Variants in STPG2 observed in about 807,000 individuals in gnomAD.
The protein encoded by STPG2 is sperm tail PG-rich repeat containing 2, also known as sperm-tail PG-rich repeat-containing protein 2.
STPG2 carries 56 observed loss-of-function variants against 54.2 expected under a neutral mutation model. The observed-to-expected ratio is 1.03, with a 90% CI of 0.83 to 1.29. The LOEUF (loss-of-function observed/expected upper bound fraction) is 1.29. STPG2 is among the 50% of genes most tolerant of loss of function. The probability of loss-of-function intolerance (pLI) is 0.00; values close to 1 mark genes in which losing one functional copy is unlikely to be tolerated. For synonymous variants in STPG2, 200 were observed against 181.8 expected (o/e 1.10, Z -0.81); for missense variants, 596 against 544.9 (o/e 1.09, Z -0.93).
intron 1 of STPG2, among the ~76,000 whole-genome samples, 158 bp from the exon 2 acceptor site, chr4:98,134,617 G>C (rs1259715552): frequency 6.6e-6 from 1 of 150,800 alleles, no homozygotes; most frequent in Non-Finnish European, 1.5e-5. Flanking sequence ...TTTAAAATCT[G>C]ATATAAGATC....
intron 10 of STPG2, among the ~76,000 whole-genome samples, chr4:97,671,268 T>C (rs1374674238): frequency 6.6e-6 from 1 of 152,242 alleles, no homozygotes; most frequent in East Asian, 1.9e-4. Flanking sequence ...TCATGTCATA[T>C]ATATCTACCA....
rs1740356947 is a variant in STPG2 at position 98,143,296 on chromosome 4, G to A, written c.-146C>T. The A allele has an allele frequency of 1.6e-6, 1 of 612,874 alleles. No individual in the cohort carries two copies. Among genetic ancestry groups the A allele is most frequent in the Non-Finnish European group, 2.9e-6 (1 of 347,612 alleles). The allele number at this position is 612,874 out of a possible 1,614,324, so 38.0% of individuals were successfully genotyped here. ...TCCGTAAACAGGGAAATTAGGGGTGGGGTTGTCTCCCCGCCCGCTCATTGA... is the reference window on the plus strand; with the variant it reads ...TCCGTAAACAGGGAAATTAGGGGTGAGGTTGTCTCCCCGCCCGCTCATTGA... On this transcript the variant is annotated 5_prime_UTR_variant, in exon 1 of 11. Transcript: ENST00000295268.
rs1011504611 is a variant in STPG2, at chr4:97,571,401, C to T, written c.1321-12284G>A. Among the ~76,000 whole-genome samples the T allele has an allele frequency of 5.9e-5, 9 of 152,080 alleles. 1 individual carries two copies. In the South Asian group the frequency reaches 1.4e-3, roughly 24 times the overall value. ...GCCATGAAGGGAAGTGGAGGTCGAACGTGCCTCATTATACCTCTACGGCAC... is the reference window on the plus strand; with the variant it reads ...GCCATGAAGGGAAGTGGAGGTCGAATGTGCCTCATTATACCTCTACGGCAC... On this transcript the variant is annotated intron_variant, in intron 10 of 10. Transcript: ENST00000295268.
chr4:97,875,036 AT>A (rs775518411), intron 8 of STPG2, among the ~76,000 whole-genome samples: 35 of 152,094 alleles, frequency 2.3e-4, no homozygotes, highest in Non-Finnish European at 4.6e-4. Context: ...TTATTTGCTG[AT>A]TAGTATTCCA....
chr4:97,900,971 T>C (rs1731155604), intron 8 of STPG2, among the ~76,000 whole-genome samples: 2 of 151,772 alleles, frequency 1.3e-5, no homozygotes, highest in Non-Finnish European at 3.0e-5. Context: ...CTTTAAACTT[T>C]CTTATTTTGT....
intron 4 of STPG2, among the ~76,000 whole-genome samples, 169 bp downstream of exon 4, chr4:98,109,024 T>C (rs1739269088): frequency 6.6e-6 from 1 of 152,134 alleles, no homozygotes; most frequent in South Asian, 2.1e-4. Flanking sequence ...AAACTTAAAG[T>C]ATAATTTAAA....
intron 9 of STPG2, among the ~76,000 whole-genome samples, chr4:97,789,911 T>C (rs1308694406): frequency 1.3e-5 from 2 of 152,142 alleles, no homozygotes; most frequent in Non-Finnish European, 2.9e-5. Flanking sequence ...TTTAGTCTTC[T>C]CTCCTTTTGC....
intron 5 of STPG2, among the ~76,000 whole-genome samples, chr4:98,078,447 AG>A (rs1411316297): frequency 5.3e-5 from 8 of 152,128 alleles, no homozygotes; most frequent in African/African-American, 1.9e-4. Flanking sequence ...AATATTCTAC[AG>A]TATTATGTAA....
At chr4:97,540,743 C>T (rs1731677655) in intron 4 of STPG2, among the ~76,000 whole-genome samples, 1 of 152,198 alleles carries the variant, frequency 6.6e-6, no homozygotes. Flanking sequence ...AAACTGAATC[C>T]AGCAGCACAT....
chr4:97,935,158 A>G (rs1732702915), intron 8 of STPG2, among the ~76,000 whole-genome samples: 2 of 152,118 alleles, frequency 1.3e-5, no homozygotes, highest in Admixed American at 6.5e-5. Flanking sequence ...TGTTTATAGT[A>G]TTATCTAATC....
chr4:97,891,935 C>A (rs1314341391), intron 8 of STPG2, among the ~76,000 whole-genome samples: 1 of 152,006 alleles, frequency 6.6e-6, no homozygotes, highest in Non-Finnish European at 1.5e-5. Flanking sequence ...CAGCCAATCC[C>A]CCATTGCTGG....
intron 4 of STPG2, among the ~76,000 whole-genome samples, chr4:97,478,473 A>C (rs2148819264): frequency 6.6e-6 from 1 of 152,214 alleles, no homozygotes; most frequent in South Asian, 2.1e-4. Context: ...CGATCACTGT[A>C]ATTTTCTTAT....
At chr4:98,015,272 C>T (rs1287052356) in intron 5 of STPG2, among the ~76,000 whole-genome samples, 1 of 152,008 alleles carries the variant, frequency 6.6e-6, no homozygotes, top group Non-Finnish European at 1.5e-5. Context: ...GAACAGGCAG[C>T]CTACAGAATG....
At chr4:97,809,201 C>T (rs1185687595) in intron 9 of STPG2, among the ~76,000 whole-genome samples, 3 of 152,094 alleles carry the variant, frequency 2.0e-5, no homozygotes, top group South Asian at 2.1e-4. Flanking sequence ...ATAGAAATAT[C>T]TCAAGTCCTA....
At chr4:97,762,982 A>T (rs1235852779) in intron 9 of STPG2, among the ~76,000 whole-genome samples, 1 of 152,194 alleles carries the variant, frequency 6.6e-6, no homozygotes, top group African/African-American at 2.4e-5. Context: ...TTTGGATACA[A>T]ATCTTAACAT....
intron 8 of STPG2, among the ~76,000 whole-genome samples, chr4:97,932,499 T>A (rs1386848171): frequency 6.6e-6 from 1 of 152,182 alleles, no homozygotes; most frequent in South Asian, 2.1e-4. Context: ...ATTAGCTATT[T>A]TTCCTGATGC....
chr4:98,142,009 A>G (rs1740307782), intron 1 of STPG2, among the ~76,000 whole-genome samples: 1 of 151,986 alleles, frequency 6.6e-6, no homozygotes, highest in Non-Finnish European at 1.5e-5. Context: ...TTCCAAGAAT[A>G]AAGTGGTCAG....
intron 5 of STPG2, among the ~76,000 whole-genome samples, chr4:98,079,970 T>G (rs28594127): frequency 0.4 from 59,956 of 151,764 alleles, 12,044 homozygotes; most frequent in Middle Eastern, 0.46. Flanking sequence ...CTTTCGGAAA[T>G]ATGCTGTGGG....
At chr4:97,448,387 G>A (rs1428138701) in intron 4 of STPG2, among the ~76,000 whole-genome samples, 1 of 152,102 alleles carries the variant, frequency 6.6e-6, no homozygotes, top group Non-Finnish European at 1.5e-5. Flanking sequence ...GTTTGGCTCT[G>A]TGTCCCCACC....
Sources: allele counts gnomAD v4.1 joint callset (sites outside exome capture counted in the v4.1 genomes callset), GRCh38; gene constraint gnomAD v4.1.1; transcripts MANE v1.5; gene names NCBI Gene and HGNC (gene_info 2026-07-23, HGNC 2026-07-21).